ARHGEF18: variants seen among roughly 807,000 people sequenced by gnomAD.
ARHGEF18 encodes rho guanine nucleotide exchange factor 18.
ARHGEF18 carries 93 observed loss-of-function variants against 155.7 expected under a neutral mutation model. The ratio of observed to expected loss-of-function variants is 0.60; its 90% CI spans 0.50 to 0.71. ARHGEF18 has a LOEUF of 0.71. Ranked by LOEUF, ARHGEF18 falls within the 30% of genes least tolerant of loss-of-function variation. The pLI, the probability that ARHGEF18 is intolerant of heterozygous loss-of-function variation, is 0.00. For missense variants in ARHGEF18, 1,593 were observed against 1,816.1 expected (o/e 0.88, Z 2.23); for synonymous variants, 742 against 753.1 (o/e 0.99, Z 0.24).
the ARHGEF18 span, chr19:7,478,344 C>G: frequency 1.2e-6 from 2 of 1,611,372 alleles, no homozygotes; most frequent in African/African-American, 1.3e-5. Flanking sequence ...GCTCCGCAGC[C>G]TCTGTCTCAG....
chr19:7,355,507 A>G lies in ARHGEF18; in HGVS notation c.-111+6266A>G, dbSNP rs932623325. On this transcript the variant is annotated intron_variant, in intron 1 of 28. Transcript: ENST00000668164. ...CCCCCTGCTGAAGCCCCAGGCTTCT[A>G]TCAGCTGATGTATCTGGCAGACCTT... 9.1e-6 allele frequency: 5 copies of G among 547,480 alleles called. No homozygotes were observed. In the South Asian group the frequency reaches 3.1e-4, roughly 34 times the overall value. 33.9% of individuals were successfully genotyped at this position (547,480 alleles called of 1,614,324 possible).
intron 23 of ARHGEF18, among the ~76,000 whole-genome samples, chr19:7,466,508 A>G (rs1208663317): frequency 2.0e-5 from 3 of 151,008 alleles, no homozygotes; most frequent in Non-Finnish European, 3.0e-5. Context: ...CTGTCTCAAA[A>G]AAAAAAAAAA....
chr19:7,436,537 C>A (rs761088375), intron 10 of ARHGEF18, among the ~76,000 whole-genome samples: 4 of 152,166 alleles, frequency 2.6e-5, no homozygotes, highest in Non-Finnish European at 5.9e-5. Flanking sequence ...CTCGGCCTCC[C>A]AAAGTGCTGG....
chr19:7,476,495 A>G (rs930275708), downstream of ARHGEF18, among the ~76,000 whole-genome samples: 2 of 152,144 alleles, frequency 1.3e-5, no homozygotes, highest in Non-Finnish European at 2.9e-5. Context: ...CCCACCACAC[A>G]TTGGCTGAGG....
intron 1 of ARHGEF18, among the ~76,000 whole-genome samples, chr19:7,352,409 A>C (rs1244898207): frequency 6.6e-6 from 1 of 151,860 alleles, no homozygotes; most frequent in Non-Finnish European, 1.5e-5. Context: ...GCTAAGAGCT[A>C]CATTCAGGTT....
At chr19:7,358,280 TCCATCCATCCATCCAC>T (rs1969406166) in intron 1 of ARHGEF18, among the ~76,000 whole-genome samples, 1 of 149,082 alleles carries the variant, frequency 6.7e-6, no homozygotes, top group East Asian at 2.0e-4. Context: ...CTTCCATCCA[TCCATCCATCCATCCAC>T]TCTTCCATCC....
chr19:7,451,165 C>A lies in ARHGEF18; in HGVS notation c.1754C>A (p.Ser585Tyr), dbSNP rs1428917737. 6.7e-7 allele frequency: 1 copy of A among 1,497,650 alleles called. No individual in the cohort carries two copies. Among genetic ancestry groups the A allele is most frequent in the African/African-American group, 2.5e-5 (1 of 40,776 alleles). 92.8% of individuals were successfully genotyped at this position (1,497,650 alleles called of 1,614,324 possible). The stretch of plus-strand genomic sequence containing the variant: ...GTTTCCTAGAAAATTGGCAACTTCT[C>A]CATCGTGCGGCGGCTTGGCGTGCAG... The part of the protein sequence containing the change: ...QNLIKKIGNF[S>Y]IVRRLGVQEC... Residue 585 changes from serine (S) to tyrosine (Y), a missense_variant, in exon 16 of 29, where the codon TCC becomes TAC. Coordinates refer to ENST00000668164, the MANE Select transcript of ARHGEF18 (RefSeq NM_001367823.1).
Position 7,419,081 on chromosome 19 carries a change from C to T in ARHGEF18, c.968-21263C>T, listed in dbSNP as rs377716162. Among the ~76,000 whole-genome samples the T allele has an allele frequency of 1.2e-3, 172 of 146,638 alleles. 1 individual carries two copies. Among genetic ancestry groups the T allele is most frequent in the South Asian group, 9.2e-3 (43 of 4,662 alleles). ...CCCCAGATGTACCCACACTCGGCCT[C>T]TGTACCCTGATGTACCCACACTTGG... On this transcript the variant is annotated intron_variant, in intron 10 of 28. Transcript: ENST00000668164.
At chr19:7,407,375 G>A (rs1488031255) in intron 10 of ARHGEF18, among the ~76,000 whole-genome samples, 9 of 151,072 alleles carry the variant, frequency 6.0e-5, no homozygotes, top group Non-Finnish European at 1.3e-4. Context: ...GAAGCGAGCC[G>A]AGATTGAGCC....
chr19:7,410,924 CAG>C lies in ARHGEF18; in HGVS notation c.967+27722_967+27723del, dbSNP rs560330003. Reference sequence around the variant, plus strand: ...CGCACTGCCCTTCCTAAGAAGGCCTCAGGGGGTGGAATAGTTTTGCTGGGACC... The same window carrying C: ...CGCACTGCCCTTCCTAAGAAGGCCTCGGGGTGGAATAGTTTTGCTGGGACC... On this transcript the variant is annotated intron_variant, in intron 10 of 28. Coordinates refer to ENST00000668164, the MANE Select transcript of ARHGEF18 (RefSeq NM_001367823.1). Among the ~76,000 whole-genome samples the C allele has an allele frequency of 2.5e-3, 385 of 151,636 alleles. 1 individual carries two copies. The highest frequency in any genetic ancestry group is 8.8e-3 in the African/African-American group (364 of 41,358).
intron 1 of ARHGEF18, among the ~76,000 whole-genome samples, chr19:7,354,294 CAG>C (rs1050947685): frequency 1.2e-4 from 18 of 152,204 alleles, no homozygotes; most frequent in African/African-American, 3.6e-4. Flanking sequence ...GCCTGGGTAA[CAG>C]AGTGAGATCC....
Position 7,441,650 on chromosome 19 carries a change from C to G in ARHGEF18, c.1107-3C>G, listed in dbSNP as rs1285644156. On this transcript the variant is annotated splice_region_variant and splice_polypyrimidine_tract_variant and intron_variant, in intron 11 of 28. Transcript: ENST00000668164. ...AACAATTGTTTTTATTGTTTGCACT[C>G]AGACCAATCACAGGAGAGATGGATG... 3 of 1,612,854 alleles carry G rather than the reference C, an allele frequency of 1.9e-6. No homozygotes were observed. Among genetic ancestry groups the G allele is most frequent in the Admixed American group, 3.3e-5 (2 of 60,006 alleles).
chr19:7,358,315 A>G (rs1473972297), intron 1 of ARHGEF18, among the ~76,000 whole-genome samples: 1 of 151,496 alleles, frequency 6.6e-6, no homozygotes, highest in African/African-American at 2.4e-5. Context: ...CCATCCAACC[A>G]TCCATCCATT....
Position 7,444,536 on chromosome 19 carries a change from G to C in ARHGEF18, c.1611+82G>C. ...CCTTTCTTCTTTTTTTCTGAGATAG[G>C]GTCTTGCCGTGTCGCCCAGGCTGGA... On this transcript the variant is annotated intron_variant, in intron 14 of 28. Transcript: ENST00000668164. The surrounding 1 kb of genome is among the most constrained non-coding windows in gnomAD (Gnocchi z 4.7). 1 of 1,542,458 alleles carries C rather than the reference G, an allele frequency of 6.5e-7. No individual in the cohort carries two copies. The highest frequency in any genetic ancestry group is 8.7e-7 in the Non-Finnish European group (1 of 1,147,150).
chr19:7,427,586 AGT>A (rs1007783733), intron 10 of ARHGEF18, among the ~76,000 whole-genome samples: 2 of 151,296 alleles, frequency 1.3e-5, no homozygotes, highest in African/African-American at 2.4e-5. Flanking sequence ...TCAAGGCTGC[AGT>A]GAGCTATGAT....
At chr19:7,418,056 A>G (rs562828102) in intron 10 of ARHGEF18, among the ~76,000 whole-genome samples, 2 of 152,308 alleles carry the variant, frequency 1.3e-5, no homozygotes, top group South Asian at 2.1e-4. Flanking sequence ...GGTGGGGGCC[A>G]TGGCAGGGCT....
intron 1 of ARHGEF18, among the ~76,000 whole-genome samples, chr19:7,362,022 GGAGA>G: frequency 2.8e-5 from 1 of 35,340 alleles, no homozygotes; most frequent in Non-Finnish European, 5.1e-5. Flanking sequence ...AGAAGGAGAA[GGAGA>G]AGGAGAAGGA....
At chr19:7,389,220 G>A (rs1971252805) in intron 10 of ARHGEF18, among the ~76,000 whole-genome samples, 1 of 148,174 alleles carries the variant, frequency 6.7e-6, no homozygotes. Context: ...GCGTGATCTT[G>A]GTTCACTACA....
rs1357126208 is a variant in ARHGEF18 at position 7,350,594 on chromosome 19, G to A, written c.-111+1353G>A. On this transcript the variant is annotated intron_variant, in intron 1 of 28. Coordinates refer to ENST00000668164, the MANE Select transcript of ARHGEF18 (RefSeq NM_001367823.1). ...GGGCATCCCCTAGCCCATGACAAAGGGATGGGCATATGTTGATGCTCGATA... is the reference window on the plus strand; with the variant it reads ...GGGCATCCCCTAGCCCATGACAAAGAGATGGGCATATGTTGATGCTCGATA... Among the ~76,000 whole-genome samples, 3 of 152,126 alleles carry A rather than the reference G, an allele frequency of 2.0e-5. No homozygotes were observed. In the East Asian group the frequency reaches 5.8e-4, roughly 29 times the overall value.
Sources: allele counts gnomAD v4.1 joint callset (sites outside exome capture counted in the v4.1 genomes callset), GRCh38; gene constraint gnomAD v4.1.1; non-coding constraint Gnocchi (gnomAD v3.1); transcripts MANE v1.5; gene names NCBI Gene and HGNC (gene_info 2026-07-23, HGNC 2026-07-21).